Variants in CHD2 observed in about 807,000 individuals in gnomAD.
CHD2 encodes the protein ATP-dependent chromatin remodeler CHD2.
A neutral mutation model predicts 243.9 loss-of-function variants in CHD2; 28 were observed. The ratio of observed to expected loss-of-function variants is 0.11; its 90% CI spans 0.09 to 0.16. The LOEUF (loss-of-function observed/expected upper bound fraction) is 0.16, where lower values mean the gene tolerates loss of function less well. Ranked by LOEUF, CHD2 falls within the 10% of genes least tolerant of loss-of-function variation. The probability of loss-of-function intolerance (pLI) is 1.00; values close to 1 mark genes in which losing one functional copy is unlikely to be tolerated. For missense variants in CHD2, 1,386 were observed against 2,209.8 expected, an observed-to-expected ratio of 0.63 and a Z score of 7.47; for synonymous variants, 775 against 779.0, an observed-to-expected ratio of 0.99 and a Z score of 0.09.
In CHD2 at chr15:92,945,760, C is replaced by T. The variant is rs917890029; in HGVS notation, c.1154-61C>T. On this transcript the variant is annotated intron_variant, in intron 10 of 38. Coordinates refer to ENST00000394196, the MANE Select transcript of CHD2 (RefSeq NM_001271.4). The stretch of plus-strand genomic sequence containing the variant: ...TATATTTACATTTTATTCATAGAAC[C>T]CAAAATCTTTCATTCTTCATTGTGT... The T allele has an allele frequency of 2.7e-6, 3 of 1,118,338 alleles. No homozygotes were observed. In the African/African-American group the frequency reaches 4.8e-5, roughly 18 times the overall value. The allele number at this position is 1,118,338 out of a possible 1,614,324, so 69.3% of individuals were successfully genotyped here. A position where few individuals can be genotyped will look rare whatever the true frequency, so the allele number is the denominator to read the frequency against.
At chr15:93,016,468 T>C (rs1325541089) in intron 37 of CHD2, among the ~76,000 whole-genome samples, 2 of 152,296 alleles carry the variant, frequency 1.3e-5, no homozygotes, top group Admixed American at 6.5e-5. Flanking sequence ...CAATGTATTA[T>C]ATAAGTGAGG....
At chr15:92,991,436 T>A in intron 26 of CHD2, 40 bp from the exon 27 acceptor site, 1 of 1,448,126 alleles carries the variant, frequency 6.9e-7, no homozygotes, top group East Asian at 2.3e-5. Flanking sequence ...CTAAAGTAAG[T>A]CTCTGTTTTT....
At chr15:92,955,224 C>G (rs1417161933) in intron 14 of CHD2, among the ~76,000 whole-genome samples, 199 bp from the exon 15 acceptor site, 1 of 152,010 alleles carries the variant, frequency 6.6e-6, no homozygotes, top group Admixed American at 6.6e-5. Context: ...TTTTGCTGTT[C>G]GGTGGTCAGT....
At chr15:92,982,949 TC>T (rs1169304796) in intron 24 of CHD2, among the ~76,000 whole-genome samples, 1 of 152,144 alleles carries the variant, frequency 6.6e-6, no homozygotes, top group African/African-American at 2.4e-5. Context: ...TTCTCACAGT[TC>T]TGAAGATTTG....
chr15:92,957,789 C>T (rs967277722), intron 16 of CHD2, among the ~76,000 whole-genome samples: 17 of 151,990 alleles, frequency 1.1e-4, no homozygotes, highest in African/African-American at 4.1e-4. Context: ...TTCCTCATCC[C>T]AAAAAGTTCC....
intron 17 of CHD2, among the ~76,000 whole-genome samples, chr15:92,968,248 G>A (rs773648256): frequency 1.2e-4 from 18 of 152,166 alleles, no homozygotes; most frequent in African/African-American, 4.1e-4. Context: ...TCAGCCAGGT[G>A]TGGTGGCTCA....
In CHD2 at chr15:93,025,978, T is replaced by C. The variant is rs2054584008; in HGVS notation, c.*1273T>C. ...TCAGGTATAAACCTAAGTTAAACTT[T>C]TTCCCAAACAAGGAGCATCCAAAGA... On this transcript the variant is annotated 3_prime_UTR_variant, in exon 39 of 39. Transcript: ENST00000394196. 6.6e-6 allele frequency: 1 copy of C among 152,644 alleles called. No individual in the cohort carries two copies. Among genetic ancestry groups the C allele is most frequent in the Non-Finnish European group, 1.5e-5 (1 of 68,048 alleles). 9.5% of individuals were successfully genotyped at this position (152,644 alleles called of 1,614,324 possible). A position where few individuals can be genotyped will look rare whatever the true frequency, so the allele number is the denominator to read the frequency against.
chr15:92,966,685 C>A (rs1295216664), intron 16 of CHD2, among the ~76,000 whole-genome samples: 1 of 151,848 alleles, frequency 6.6e-6, no homozygotes. Flanking sequence ...CCGAGGCAGG[C>A]GGATCACTTG....
At chr15:92,903,171 C>G (rs1596361101) in intron 2 of CHD2, among the ~76,000 whole-genome samples, 2 of 152,186 alleles carry the variant, frequency 1.3e-5, no homozygotes, top group Non-Finnish European at 2.9e-5. Flanking sequence ...ATTATGACAT[C>G]ACTTCCTTTT....
chr15:92,913,987 G>C (rs1482437767), intron 2 of CHD2, among the ~76,000 whole-genome samples: 1 of 152,158 alleles, frequency 6.6e-6, no homozygotes, highest in Admixed American at 6.5e-5. Context: ...ATGACGTTAT[G>C]GGCATACGTT....
chr15:92,965,198 T>C (rs975042074), intron 16 of CHD2: 1 of 152,138 alleles, frequency 6.6e-6, no homozygotes, highest in Non-Finnish European at 1.5e-5. Context: ...TATGACCTTA[T>C]ACCTTTTCTA....
chr15:93,015,147 C>T (rs1483136843), intron 37 of CHD2, among the ~76,000 whole-genome samples: 3 of 152,052 alleles, frequency 2.0e-5, no homozygotes, highest in African/African-American at 2.4e-5. Flanking sequence ...GGCACAATCT[C>T]GGCTCACTGC....
chr15:92,942,267 T>C (rs2053393852), intron 8 of CHD2, among the ~76,000 whole-genome samples: 2 of 152,222 alleles, frequency 1.3e-5, no homozygotes, highest in African/African-American at 4.8e-5. Flanking sequence ...TGTGAAAATA[T>C]CAAACTGGTT....
intron 17 of CHD2, among the ~76,000 whole-genome samples, chr15:92,969,732 C>G (rs981835785): frequency 6.6e-6 from 1 of 152,146 alleles, no homozygotes; most frequent in African/African-American, 2.4e-5. Flanking sequence ...CCCAACCACA[C>G]CAAGCTAATT....
intron 22 of CHD2, among the ~76,000 whole-genome samples, chr15:92,979,777 G>T (rs2053953616): frequency 6.6e-6 from 1 of 151,980 alleles, no homozygotes; most frequent in South Asian, 2.1e-4. Context: ...AATTAGCCAG[G>T]CATGGTGGCA....
chr15:92,959,235 C>T (rs1274357331), intron 16 of CHD2, among the ~76,000 whole-genome samples: 4 of 152,136 alleles, frequency 2.6e-5, no homozygotes, highest in African/African-American at 9.7e-5. Flanking sequence ...GTCAGAGTTA[C>T]ATTTTGTTTA....
Position 92,936,975 on chromosome 15 carries a change from C to T in CHD2, c.444-543C>T, listed in dbSNP as rs140051748. Among the ~76,000 whole-genome samples the T allele has an allele frequency of 4.7e-4, 72 of 152,258 alleles. No individual in the cohort carries two copies. In the East Asian group the frequency reaches 0.012, roughly 25 times the overall value. ...CAAGTGATCCTTCCGCCTCCTCAGC[C>T]TCCTTAGTAACTAGGACTGTAGACA... On this transcript the variant is annotated intron_variant, in intron 5 of 38. Coordinates refer to ENST00000394196, the MANE Select transcript of CHD2 (RefSeq NM_001271.4).
chr15:92,914,789 C>T (rs1349944967), intron 2 of CHD2, among the ~76,000 whole-genome samples: 1 of 152,088 alleles, frequency 6.6e-6, no homozygotes, highest in Admixed American at 6.5e-5. Context: ...TTAGGTAGCA[C>T]CCCATCTATA....
At chr15:93,005,171 G>A (rs1042525371) in intron 34 of CHD2, among the ~76,000 whole-genome samples, 2 of 152,168 alleles carry the variant, frequency 1.3e-5, no homozygotes, top group Admixed American at 1.3e-4. Flanking sequence ...AATCATGTTG[G>A]TGCCCCTGTG....
Sources: gnomAD v4.1 joint callset for allele counts (sites outside exome capture counted in the v4.1 genomes callset) on GRCh38, gnomAD v4.1.1 for gene constraint, MANE v1.5 for transcripts, NCBI Gene and HGNC (gene_info 2026-07-23, HGNC 2026-07-21) for gene names.